Variants in CCNI observed in about 807,000 individuals in gnomAD.
CCNI encodes the protein cyclin I.
A neutral mutation model predicts 34.1 loss-of-function variants in CCNI; 14 were observed. The ratio of observed to expected loss-of-function variants is 0.41; its 90% CI spans 0.27 to 0.64. CCNI has a LOEUF of 0.64. Among genes scored for constraint, CCNI ranks in the 30% least tolerant of loss-of-function variants. The probability of loss-of-function intolerance (pLI) is 0.31; values close to 1 mark genes in which losing one functional copy is unlikely to be tolerated. For missense variants in CCNI, 385 were observed against 440.5 expected, an observed-to-expected ratio of 0.87 and a Z score of 1.13; for synonymous variants, 154 against 158.4, an observed-to-expected ratio of 0.97 and a Z score of 0.21.
At chr4:77,075,224 G>C (rs939143211) in intron 1 of CCNI, 7 of 152,194 alleles carry the variant, frequency 4.6e-5, no homozygotes, top group African/African-American at 1.4e-4. Context: ...AGAAAAACTG[G>C]CCCGAAAAGG....
intron 2 of CCNI, among the ~76,000 whole-genome samples, chr4:77,063,607 G>A (rs1163153051): frequency 4.0e-5 from 6 of 151,438 alleles, no homozygotes; most frequent in East Asian, 3.9e-4. Flanking sequence ...GGAGAATAGC[G>A]TGAACCCGGG....
chr4:77,066,863 T>G (rs968170158), intron 1 of CCNI, among the ~76,000 whole-genome samples: 1 of 152,228 alleles, frequency 6.6e-6, no homozygotes, highest in Non-Finnish European at 1.5e-5. Context: ...CCCTCCAGTA[T>G]GAAATCATCT....
At position 77,058,582 on chromosome 4, in the gene CCNI, C is replaced by A. The variant is rs1728395568; in HGVS notation, c.168G>T (p.Lys56Asn). 2 of 1,613,214 alleles carry A rather than the reference C, an allele frequency of 1.2e-6. No homozygotes were observed. The change falls in exon 3 of 7, where the codon AAG (lysine) becomes AAT (asparagine). Residue 56 changes from lysine to asparagine, a missense_variant. By Grantham distance (94) the Lys-to-Asn change is moderately conservative. Coordinates refer to ENST00000237654, the MANE Select transcript of CCNI (RefSeq NM_006835.3). ...DEVIQWLAKL[K>N]YQFNLYPETF... ...TTTCTGGGTAAAGGTTGAATTGGTACTTGAGTTTGGCCAGCCATTGAATTA... is the reference window on the plus strand; with the variant it reads ...TTTCTGGGTAAAGGTTGAATTGGTAATTGAGTTTGGCCAGCCATTGAATTA...
At chr4:77,054,515 A>T (rs566330989) in intron 6 of CCNI, among the ~76,000 whole-genome samples, 26 of 152,242 alleles carry the variant, frequency 1.7e-4, no homozygotes, top group Non-Finnish European at 3.4e-4. Context: ...AGTTGCTAAC[A>T]TACAGCACTC....
In CCNI at chr4:77,075,882, G is replaced by GAGAAA. The variant is rs1240038419; in HGVS notation, c.-459_-455dup. The GAGAAA allele has an allele frequency of 7.7e-5, 11 of 143,672 alleles. No homozygotes were observed. The highest frequency in any genetic ancestry group is 2.8e-4 in the African/African-American group (11 of 38,852). The allele number at this position is 143,672 out of a possible 1,614,324, so 8.9% of individuals were successfully genotyped here. A position where few individuals can be genotyped will look rare whatever the true frequency, so the allele number is the denominator to read the frequency against. Reference sequence around the variant, plus strand: ...GGGAAATGGTGAAAGGGGGGGAGGGGAGAAAAGAAAAGAAAAAAAAAAAAA... The same window carrying GAGAAA: ...GGGAAATGGTGAAAGGGGGGGAGGGGAGAAAAGAAAAGAAAAGAAAAAAAAAAAAA... On this transcript the variant is annotated 5_prime_UTR_variant, in exon 1 of 7. Transcript: ENST00000237654.
chr4:77,050,107 C>T (rs1305771120), intron 6 of CCNI, among the ~76,000 whole-genome samples: 3 of 152,154 alleles, frequency 2.0e-5, no homozygotes, highest in Non-Finnish European at 4.4e-5. Flanking sequence ...GCTCAACAGT[C>T]CTGCTCTATA....
At chr4:77,069,663 TACTC>T (rs1356886205) in intron 1 of CCNI, among the ~76,000 whole-genome samples, 1 of 145,030 alleles carries the variant, frequency 6.9e-6, no homozygotes, top group Non-Finnish European at 1.5e-5. Flanking sequence ...TTTTTTTTAT[TACTC>T]ACTGTGTCCA....
At chr4:77,069,442 T>TATATATA (rs368074187) in intron 1 of CCNI, among the ~76,000 whole-genome samples, 1 of 114,078 alleles carries the variant, frequency 8.8e-6, no homozygotes, top group African/African-American at 2.6e-5. Context: ...TATATATATA[T>TATATATA]TTTTTTTATT....
At position 77,055,383 on chromosome 4, in the gene CCNI, G is replaced by GA. The variant is rs1475009448; in HGVS notation, c.460-4dup. 3.2e-6 allele frequency: 5 copies of GA among 1,583,238 alleles called. No homozygotes were observed. In the African/African-American group the frequency reaches 6.7e-5, roughly 21 times the overall value. On this transcript the variant is annotated splice_region_variant and splice_polypyrimidine_tract_variant and intron_variant, in intron 5 of 6. Transcript: ENST00000237654. ...GTTGACACTGCAATGGCATGGAACT[G>GA]AAAATCACAAGAACATCATTTTAAC...
Position 77,048,010 on chromosome 4 carries a change from T to G in CCNI, c.*209A>C. On this transcript the variant is annotated 3_prime_UTR_variant, in exon 7 of 7. Transcript: ENST00000237654. The stretch of plus-strand genomic sequence containing the variant: ...AAAAAAAGTTTGGATCTTTTGGATT[T>G]CTTTTTTTTTTTTTTGGTCTTTATG... The G allele has an allele frequency of 2.4e-6, 1 of 412,332 alleles. No homozygotes were observed. The highest frequency in any genetic ancestry group is 4.2e-6 in the Non-Finnish European group (1 of 236,486). 25.5% of individuals were successfully genotyped at this position (412,332 alleles called of 1,614,324 possible). A position where few individuals can be genotyped will look rare whatever the true frequency, so the allele number is the denominator to read the frequency against.
chr4:77,048,423 G>A lies in CCNI; in HGVS notation c.930C>T (p.Leu310=). 1 of 1,614,132 alleles carries A rather than the reference G, an allele frequency of 6.2e-7. No homozygotes were observed. ...VRGTAAFYHH[L]PAASGCKQTS... is the part of the protein sequence containing the mutation. The stretch of plus-strand genomic sequence containing the variant: ...TCTGCTTGCACCCACTGGCAGCTGG[G>A]AGATGATGGTAAAAGGCTGCTGTAC... Residue 310 remains leucine (L), a synonymous_variant, in exon 7 of 7, where the codon CTC becomes CTT. Coordinates refer to ENST00000237654, the MANE Select transcript of CCNI (RefSeq NM_006835.3).
intron 1 of CCNI, chr4:77,074,674 G>A (rs183679407): frequency 2.0e-5 from 3 of 152,302 alleles, no homozygotes; most frequent in African/African-American, 7.2e-5. Context: ...ATCAAATGTT[G>A]TTATTTAACG....
At chr4:77,051,540 T>C (rs565410601) in intron 6 of CCNI, among the ~76,000 whole-genome samples, 1 of 152,320 alleles carries the variant, frequency 6.6e-6, no homozygotes, top group Non-Finnish European at 1.5e-5. Flanking sequence ...ACCATCCATA[T>C]GAACTCCACT....
At chr4:77,073,995 CT>C (rs4252779) in intron 1 of CCNI, among the ~76,000 whole-genome samples, 1 of 151,662 alleles carries the variant, frequency 6.6e-6, no homozygotes, top group African/African-American at 2.4e-5. Flanking sequence ...GTGGAAAGCC[CT>C]TTTTTTCTAG....
Position 77,048,106 on chromosome 4 carries a change from T to C in CCNI, c.*113A>G. The stretch of plus-strand genomic sequence containing the variant: ...GTTTTATTTTTTTTTTCTGGCTCAC[T>C]CCAAATCAGCCTGTTAAGGTATATT... On this transcript the variant is annotated 3_prime_UTR_variant, in exon 7 of 7. Transcript: ENST00000237654. 1 of 706,650 alleles carries C rather than the reference T, an allele frequency of 1.4e-6. No homozygotes were observed. The highest frequency in any genetic ancestry group is 2.6e-5 in the East Asian group (1 of 39,112). 43.8% of individuals were successfully genotyped at this position (706,650 alleles called of 1,614,324 possible).
intron 2 of CCNI, among the ~76,000 whole-genome samples, chr4:77,059,359 G>A (rs903026235): frequency 1.3e-5 from 2 of 149,876 alleles, no homozygotes; most frequent in South Asian, 2.1e-4. Flanking sequence ...AAATAAAACC[G>A]GTTGTTTATT....
intron 1 of CCNI, among the ~76,000 whole-genome samples, chr4:77,073,076 CTA>C (rs1236530279): frequency 6.6e-6 from 1 of 152,204 alleles, no homozygotes; most frequent in Admixed American, 6.5e-5. Flanking sequence ...TTTAACAGAA[CTA>C]TATAGTTATG....
At chr4:77,070,065 T>C (rs80209033) in intron 1 of CCNI, among the ~76,000 whole-genome samples, 4,896 of 150,048 alleles carry the variant, frequency 0.033, 274 homozygotes, top group African/African-American at 0.11. Flanking sequence ...TTGCCCAGGC[T>C]AGAGTGTAGT....
At chr4:77,068,772 A>T (rs1729237251) in intron 1 of CCNI, among the ~76,000 whole-genome samples, 1 of 152,106 alleles carries the variant, frequency 6.6e-6, no homozygotes, top group Non-Finnish European at 1.5e-5. Context: ...AAAAGCAAAA[A>T]ATAGCAAACC....
Sources: allele counts gnomAD v4.1 joint callset (sites outside exome capture counted in the v4.1 genomes callset), GRCh38; gene constraint gnomAD v4.1.1; transcripts MANE v1.5; gene names NCBI Gene and HGNC (gene_info 2026-07-23, HGNC 2026-07-21).